ESRRG: variants seen among roughly 807,000 people sequenced by gnomAD.
ESRRG encodes estrogen-related receptor gamma.
A neutral mutation model predicts 44.0 loss-of-function variants in ESRRG; 13 were observed. The observed-to-expected ratio is 0.30, with a 90% CI of 0.19 to 0.47. ESRRG has a LOEUF of 0.47. ESRRG is among the 20% of genes least tolerant of loss of function. The pLI, the probability that ESRRG is intolerant of heterozygous loss-of-function variation, is 1.00. For synonymous variants in ESRRG, 215 were observed against 214.6 expected, an observed-to-expected ratio of 1.00 and a Z score of -0.02; for missense variants, 395 against 580.6, an observed-to-expected ratio of 0.68 and a Z score of 3.29.
At chr1:216,546,413 T>C (rs1203920983) in intron 5 of ESRRG, among the ~76,000 whole-genome samples, 2 of 152,066 alleles carry the variant, frequency 1.3e-5, no homozygotes, top group Non-Finnish European at 2.9e-5. Flanking sequence ...TTTCCTAAAC[T>C]TGTTCCCAAG....
intron 2 of ESRRG, among the ~76,000 whole-genome samples, chr1:216,932,320 A>G (rs1398377333): frequency 1.3e-5 from 2 of 152,192 alleles, no homozygotes; most frequent in African/African-American, 2.4e-5. Flanking sequence ...AAATGACAAG[A>G]TTTCAATAGA....
intron 5 of ESRRG, among the ~76,000 whole-genome samples, chr1:216,553,124 A>T (rs1182468601): frequency 6.6e-6 from 1 of 150,714 alleles, no homozygotes; most frequent in Non-Finnish European, 1.5e-5. Context: ...TTTTTTTCCT[A>T]AAATGCTGAC....
chr1:216,975,194 GT>G (rs1472419726), intron 1 of ESRRG, among the ~76,000 whole-genome samples: 1 of 152,134 alleles, frequency 6.6e-6, no homozygotes, highest in Non-Finnish European at 1.5e-5. Flanking sequence ...CAACAACTGG[GT>G]GGACTCAGAA....
At chr1:216,947,378 T>C (rs1392778986) in intron 1 of ESRRG, among the ~76,000 whole-genome samples, 1 of 152,196 alleles carries the variant, frequency 6.6e-6, no homozygotes, top group Non-Finnish European at 1.5e-5. Context: ...GAATATATCA[T>C]GTTGATGGTT....
intron 2 of ESRRG, among the ~76,000 whole-genome samples, chr1:216,667,444 G>A (rs534448653): frequency 2.0e-5 from 3 of 151,982 alleles, no homozygotes; most frequent in South Asian, 4.2e-4. Context: ...CCAGCACATC[G>A]GGAGACCAAG....
chr1:217,083,258 A>T (rs1336627125), intron 1 of ESRRG, among the ~76,000 whole-genome samples: 1 of 152,338 alleles, frequency 6.6e-6, no homozygotes, highest in South Asian at 2.1e-4. Flanking sequence ...CAATGGAAAA[A>T]TTTTAATGCA....
intron 2 of ESRRG, among the ~76,000 whole-genome samples, chr1:216,749,398 C>T (rs1428156910): frequency 6.6e-6 from 1 of 152,084 alleles, no homozygotes; most frequent in African/African-American, 2.4e-5. Context: ...TGACTGAATA[C>T]AAAGTGATTA....
intron 1 of ESRRG, among the ~76,000 whole-genome samples, chr1:217,100,214 A>G (rs2092489663): frequency 6.6e-6 from 1 of 152,182 alleles, no homozygotes; most frequent in Non-Finnish European, 1.5e-5. Flanking sequence ...AACCAGTATC[A>G]TTTCTCTAAG....
At chr1:216,705,350 AG>A (rs1369946649) in intron 1 of ESRRG, among the ~76,000 whole-genome samples, 5 of 146,404 alleles carry the variant, frequency 3.4e-5, no homozygotes, top group South Asian at 2.4e-4. Context: ...ATATCTAGTA[AG>A]GAAAAAAAGG....
chr1:217,095,440 A>C (rs2092409395), intron 1 of ESRRG, among the ~76,000 whole-genome samples: 2 of 152,194 alleles, frequency 1.3e-5, no homozygotes, highest in Non-Finnish European at 2.9e-5. Context: ...TAGTGTAGAA[A>C]AATATGCATT....
intron 6 of ESRRG, 59 bp from the exon 7 acceptor site, chr1:216,507,242 C>T (rs1239350995): frequency 2.6e-6 from 3 of 1,156,140 alleles, no homozygotes; most frequent in African/African-American, 1.6e-5. Flanking sequence ...CCTATGTAGA[C>T]TAGAGTTATA....
chr1:216,526,178 A>G (rs576958903), intron 5 of ESRRG, among the ~76,000 whole-genome samples: 5 of 152,082 alleles, frequency 3.3e-5, no homozygotes, highest in African/African-American at 4.8e-5. Flanking sequence ...ACTACAACCA[A>G]TGGTATTAAC....
intron 2 of ESRRG, among the ~76,000 whole-genome samples, chr1:216,745,931 T>C (rs1362975974): frequency 2.0e-5 from 3 of 152,068 alleles, no homozygotes; most frequent in African/African-American, 7.2e-5. Flanking sequence ...TAATACAGGG[T>C]TTAATATAGG....
In ESRRG at chr1:216,881,786, C is replaced by A. The variant is rs186123779; in HGVS notation, c.-14+57796G>T. On this transcript the variant is annotated intron_variant, in intron 2 of 7. Transcript: ENST00000359162. ...ATAAAAAGTTATGGACACATTCAAG[C>A]AAATGTTTCAAGGGGAATGAAGATT... Among the ~76,000 whole-genome samples the A allele has an allele frequency of 2.0e-3, 300 of 152,224 alleles. 2 individuals carry two copies. The highest frequency in any genetic ancestry group is 6.0e-3 in the African/African-American group (250 of 41,518).
chr1:216,864,282 C>G (rs148504320), intron 2 of ESRRG: 45 of 146,392 alleles, frequency 3.1e-4, no homozygotes, highest in African/African-American at 1.1e-3. Flanking sequence ...GCTTTTATAG[C>G]TTTTGATCAC....
intron 1 of ESRRG, among the ~76,000 whole-genome samples, chr1:216,970,520 T>A (rs2071425756): frequency 6.6e-6 from 1 of 152,196 alleles, no homozygotes; most frequent in Non-Finnish European, 1.5e-5. Flanking sequence ...CTTCAATTTT[T>A]ATGTGGTTCT....
At position 216,698,476 on chromosome 1, in the gene ESRRG, G is replaced by A. The variant is rs892231018; in HGVS notation, c.57-20985C>T. The stretch of plus-strand genomic sequence containing the variant: ...GGAGCTTGCAGTGAGCCGAGATCAC[G>A]CCACTGCACTCCAGCCTGGGCGACT... On this transcript the variant is annotated intron_variant, in intron 1 of 6. Coordinates refer to ENST00000408911, the MANE Select transcript of ESRRG (RefSeq NM_001438.4). 2.2e-5 allele frequency among the ~76,000 whole-genome samples: 3 copies of A among 134,026 alleles called. No individual in the cohort carries two copies. The Admixed American group carries it at 2.6e-4, about 12-fold the overall frequency. The allele number at this position is 134,026 out of a possible 152,430, so 87.9% of individuals were successfully genotyped here. A position where few individuals can be genotyped will look rare whatever the true frequency, so the allele number is the denominator to read the frequency against.
At chr1:217,019,423 A>G (rs2079950527) in intron 1 of ESRRG, among the ~76,000 whole-genome samples, 1 of 152,196 alleles carries the variant, frequency 6.6e-6, no homozygotes, top group South Asian at 2.1e-4. Context: ...CATTTGCTCT[A>G]CATGCCAATG....
At chr1:216,539,633 A>AT (rs2052088772) in intron 5 of ESRRG, among the ~76,000 whole-genome samples, 1 of 151,880 alleles carries the variant, frequency 6.6e-6, no homozygotes, top group Non-Finnish European at 1.5e-5. Context: ...AAGAGTGGGG[A>AT]TTTTTTGGTT....
Sources: allele counts gnomAD v4.1 joint callset (sites outside exome capture counted in the v4.1 genomes callset), GRCh38; gene constraint gnomAD v4.1.1; transcripts MANE v1.5; gene names NCBI Gene and HGNC (gene_info 2026-07-23, HGNC 2026-07-21).